FRMPD1: variants seen among roughly 807,000 people sequenced by gnomAD.
FRMPD1 encodes the protein FERM and PDZ domain containing 1.
Under a neutral mutation model 117.8 loss-of-function variants are expected in FRMPD1, and 76 were observed. The observed-to-expected ratio is 0.65, with a 90% CI of 0.54 to 0.78. FRMPD1 has a LOEUF of 0.78. Ranked by LOEUF, FRMPD1 falls within the 30% of genes least tolerant of loss-of-function variation. The pLI, the probability that FRMPD1 is intolerant of heterozygous loss-of-function variation, is 0.00. For synonymous variants in FRMPD1, 783 were observed against 770.4 expected (o/e 1.02, Z -0.27); for missense variants, 1,786 against 1,964.5 (o/e 0.91, Z 1.72).
chr9:37,603,837 C>A, the FRMPD1 span, among the ~76,000 whole-genome samples: 1 of 152,082 alleles, frequency 6.6e-6, no homozygotes, highest in East Asian at 1.9e-4. Flanking sequence ...TGCCACCACG[C>A]CCGGCTAATT....
Position 37,740,804 on chromosome 9 carries a change from C to T in FRMPD1, c.2276C>T (p.Pro759Leu), listed in dbSNP as rs546200227. 1.1e-5 allele frequency: 18 copies of T among 1,614,152 alleles called. No individual in the cohort carries two copies. Among genetic ancestry groups the T allele is most frequent in the Admixed American group, 1.7e-5 (1 of 60,028 alleles). The change falls in exon 15 of 16, where the codon CCA becomes CTA. Residue 759 changes from proline (P) to leucine (L), a missense_variant. Physicochemically the swap from Pro to Leu is moderately conservative, Grantham distance 98. Coordinates refer to ENST00000377765, the MANE Select transcript of FRMPD1 (RefSeq NM_014907.3). This position sits in a 1 kb window ranked among gnomAD's most constrained non-coding sequence, Gnocchi z 4.2. ...CTGGAACCCCTGGCCCTGCACCCAC[C>T]ACTGGCCTTTGAGGATGGCAGCTCA... is the stretch of plus-strand genomic sequence containing the variant. ...SMLEPLALHPPLAFEDGSSDE... is the reference protein window; with the variant it reads ...SMLEPLALHPLLAFEDGSSDE...
the FRMPD1 span, among the ~76,000 whole-genome samples, chr9:37,609,707 G>C: frequency 0.17 from 26,295 of 152,034 alleles, 2,481 homozygotes; most frequent in Admixed American, 0.22. Flanking sequence ...CCTTTCAGCG[G>C]CTTCCCATCT....
At chr9:37,656,178 T>C (rs1377622426) in intron 1 of FRMPD1, among the ~76,000 whole-genome samples, 1 of 152,182 alleles carries the variant, frequency 6.6e-6, no homozygotes, top group Non-Finnish European at 1.5e-5. Context: ...CTGTATCGGA[T>C]TGACAAAAGC....
At chr9:37,644,862 A>C in the FRMPD1 span, among the ~76,000 whole-genome samples, 2 of 152,190 alleles carry the variant, frequency 1.3e-5, no homozygotes, top group Non-Finnish European at 2.9e-5. Flanking sequence ...AAGTCTATGC[A>C]AAAGTAAAGA....
chr9:37,719,014 T>C (rs2013458), intron 5 of FRMPD1, 55 bp from the exon 6 acceptor site: 249,383 of 994,396 alleles, frequency 0.25, 32,820 homozygotes, highest in Admixed American at 0.37. Flanking sequence ...AAGATAGATA[T>C]ACCTGGCTTT....
intron 5 of FRMPD1, among the ~76,000 whole-genome samples, chr9:37,714,686 A>T (rs1467037458): frequency 3.3e-5 from 5 of 150,832 alleles, no homozygotes; most frequent in African/African-American, 1.2e-4. Flanking sequence ...TTGCTCTGTC[A>T]CCCAGGCTGG....
chr9:37,682,081 G>T (rs368857889), intron 1 of FRMPD1, among the ~76,000 whole-genome samples: 4 of 152,328 alleles, frequency 2.6e-5, no homozygotes, highest in Non-Finnish European at 4.4e-5. Flanking sequence ...AAGTGGGAGA[G>T]ATCAGAACAA....
At chr9:37,644,444 T>C in the FRMPD1 span, among the ~76,000 whole-genome samples, 24 of 152,270 alleles carry the variant, frequency 1.6e-4, no homozygotes, top group South Asian at 3.7e-3. Context: ...CTGTGTGGGA[T>C]TGGGCTCCAG....
Position 37,745,827 on chromosome 9 carries a change from G to T in FRMPD1, c.3795G>T (p.Glu1265Asp), listed in dbSNP as rs201302424. 3.1e-6 allele frequency: 5 copies of T among 1,614,104 alleles called. No homozygotes were observed. The Admixed American group carries it at 8.3e-5, about 27-fold the overall frequency. The change falls in exon 16 of 16, where the codon GAG becomes GAT. Residue 1265 changes from glutamate to aspartate, a missense_variant. By Grantham distance (45) the Glu-to-Asp change is conservative. Coordinates refer to ENST00000377765, the MANE Select transcript of FRMPD1 (RefSeq NM_014907.3). ...CAGAACCACTACCATGTCCACAAGA[G>T]GATCCTCACTTAGAAACTTCAAACC... is the stretch of plus-strand genomic sequence containing the variant. ...SLPEPLPCPQ[E>D]DPHLETSNHC...
At chr9:37,717,369 G>GTGTGTGTGTGTGTGTATATA (rs1407798527) in intron 5 of FRMPD1, among the ~76,000 whole-genome samples, 4 of 94,132 alleles carry the variant, frequency 4.2e-5, no homozygotes, top group South Asian at 5.6e-4. Context: ...GTGTGTGTGT[G>GTGTGTGTGTGTGTGTATATA]TATATATATA....
Position 37,745,109 on chromosome 9 carries a change from G to T in FRMPD1, c.3077G>T (p.Cys1026Phe). Reference sequence around the variant, plus strand: ...GGTGACCCTAACCCAGACAGAGCCTGCCTGGCCAGCAACCCAGGACTAAAT... The same window carrying T: ...GGTGACCCTAACCCAGACAGAGCCTTCCTGGCCAGCAACCCAGGACTAAAT... Reference protein sequence around the residue: ...SSGDPNPDRACLASNPGLNNV... With the variant: ...SSGDPNPDRAFLASNPGLNNV... Residue 1026 changes from cysteine (C) to phenylalanine (F), a missense_variant, in exon 16 of 16, where the codon TGC becomes TTC. Physicochemically the swap from Cys to Phe is radical, Grantham distance 205. Transcript: ENST00000377765. 6.2e-7 allele frequency: 1 copy of T among 1,614,094 alleles called. No individual in the cohort carries two copies. The highest frequency in any genetic ancestry group is 8.5e-7 in the Non-Finnish European group (1 of 1,180,000).
intron 1 of FRMPD1, among the ~76,000 whole-genome samples, chr9:37,658,801 G>A (rs918021921): frequency 2.6e-5 from 4 of 152,154 alleles, no homozygotes; most frequent in Non-Finnish European, 4.4e-5. Flanking sequence ...AATTATAGGT[G>A]TAAAAATCCT....
Position 37,740,022 on chromosome 9 carries a change from G to T in FRMPD1, c.1550-56G>T, listed in dbSNP as rs993991095. Reference sequence around the variant, plus strand: ...TTGGGTGGGGGTCAGGGGGCTAGAAGGACACATAGGTAGGAGAATTCTGTT... The same window carrying T: ...TTGGGTGGGGGTCAGGGGGCTAGAATGACACATAGGTAGGAGAATTCTGTT... On this transcript the variant is annotated intron_variant, in intron 14 of 15. Transcript: ENST00000377765. The surrounding 1 kb of genome is among the most constrained non-coding windows in gnomAD (Gnocchi z 4.2). 6.2e-5 allele frequency: 81 copies of T among 1,309,068 alleles called. No homozygotes were observed. Among genetic ancestry groups the T allele is most frequent in the Non-Finnish European group, 8.5e-5 (80 of 940,132 alleles). 81.1% of individuals were successfully genotyped at this position (1,309,068 alleles called of 1,614,324 possible). A position where few individuals can be genotyped will look rare whatever the true frequency, so the allele number is the denominator to read the frequency against.
chr9:37,679,442 TA>T (rs1399105138), intron 1 of FRMPD1, among the ~76,000 whole-genome samples: 2 of 152,250 alleles, frequency 1.3e-5, no homozygotes, highest in Non-Finnish European at 2.9e-5. Context: ...TATTCACAGA[TA>T]TGTACTAACA....
intron 6 of FRMPD1, among the ~76,000 whole-genome samples, chr9:37,719,909 T>C (rs537747124): frequency 6.6e-6 from 1 of 152,338 alleles, no homozygotes; most frequent in Admixed American, 6.5e-5. Flanking sequence ...TCATAATTTA[T>C]ACATTTTCCC....
At chr9:37,704,748 A>G (rs1441688646) in intron 2 of FRMPD1, among the ~76,000 whole-genome samples, 1 of 151,890 alleles carries the variant, frequency 6.6e-6, no homozygotes, top group Non-Finnish European at 1.5e-5. Flanking sequence ...TGCTGTGATT[A>G]CCATCAATTT....
intron 9 of FRMPD1, among the ~76,000 whole-genome samples, chr9:37,731,599 C>T (rs888487455): frequency 2.0e-5 from 3 of 152,130 alleles, no homozygotes; most frequent in South Asian, 4.1e-4. Flanking sequence ...GAGCCGGGTG[C>T]GGTAGCTCAC....
the FRMPD1 span, among the ~76,000 whole-genome samples, chr9:37,611,273 A>T: frequency 6.6e-6 from 1 of 152,188 alleles, no homozygotes; most frequent in African/African-American, 2.4e-5. Context: ...CTTAACCTTG[A>T]GTTCACAGAC....
chr9:37,727,850 G>A (rs1208254638), intron 7 of FRMPD1: 1 of 152,292 alleles, frequency 6.6e-6, no homozygotes, highest in Non-Finnish European at 1.5e-5. Flanking sequence ...GAGTCATGAG[G>A]AGGGAGGAGC....
Sources: gnomAD v4.1 joint callset for allele counts (sites outside exome capture counted in the v4.1 genomes callset) on GRCh38, gnomAD v4.1.1 for gene constraint, Gnocchi (gnomAD v3.1) non-coding constraint, MANE v1.5 for transcripts, NCBI Gene and HGNC (gene_info 2026-07-23, HGNC 2026-07-21) for gene names.